The following KLF17 variants were observed in gnomAD, a reference collection of about 807,000 sequenced individuals.
KLF17 encodes Krueppel-like factor 17.
A neutral mutation model predicts 34.2 loss-of-function variants in KLF17; 31 were observed. That is an observed-to-expected ratio of 0.91 (90% CI 0.68 to 1.22). The LOEUF (loss-of-function observed/expected upper bound fraction) is 1.22. KLF17 is among the 50% of genes most tolerant of loss of function. The probability of loss-of-function intolerance (pLI) is 0.00; values close to 1 mark genes in which losing one functional copy is unlikely to be tolerated. For synonymous variants in KLF17, 179 were observed against 186.7 expected (o/e 0.96, Z 0.34); for missense variants, 478 against 505.2 (o/e 0.95, Z 0.52).
the KLF17 span, chr1:44,103,536 TG>T: frequency 7.4e-7 from 1 of 1,349,186 alleles, no homozygotes; most frequent in Non-Finnish European, 1.1e-6. Flanking sequence ...GGTCTTCGTA[TG>T]GATACTCCTG....
Position 44,129,583 on chromosome 1 carries a change from G to A in KLF17, c.312G>A (p.Ala104=), listed in dbSNP as rs746979387. The change falls in exon 2 of 4, where the codon GCG becomes GCA. Residue 104 remains alanine (A), a synonymous_variant. Coordinates refer to ENST00000372299, the MANE Select transcript of KLF17 (RefSeq NM_173484.4). ...GTGGTATGAGCTACTGCCCCCAAGC[G>A]ACTCTCACTCCTTCCCGGATGATTT... is the stretch of plus-strand genomic sequence containing the variant. ...PERGMSYCPQ[A]TLTPSRMIYC... The A allele has an allele frequency of 8.7e-6, 14 of 1,614,016 alleles. No homozygotes were observed. In the East Asian group the frequency reaches 1.6e-4, roughly 18 times the overall value.
chr1:44,090,647 G>A, the KLF17 span, among the ~76,000 whole-genome samples: 7 of 152,112 alleles, frequency 4.6e-5, no homozygotes, highest in Non-Finnish European at 1.0e-4. Flanking sequence ...GAATCCTGTA[G>A]ATCAGAGCAC....
chr1:44,104,759 T>C, the KLF17 span: 2 of 273,804 alleles, frequency 7.3e-6, no homozygotes, highest in South Asian at 5.2e-5. Context: ...AATAGCATAA[T>C]TGAGAAATAT....
chr1:44,083,793 C>A, the KLF17 span, among the ~76,000 whole-genome samples: 437 of 103,832 alleles, frequency 4.2e-3, no homozygotes, highest in Middle Eastern at 0.01. Flanking sequence ...GACTCTGTCT[C>A]AAAAAAAAAA....
the KLF17 span, among the ~76,000 whole-genome samples, chr1:44,100,106 A>ACG: frequency 2.0e-5 from 3 of 150,204 alleles, no homozygotes; most frequent in Non-Finnish European, 4.4e-5. Context: ...ACACACACAC[A>ACG]CACACACACA....
intron 1 of KLF17, among the ~76,000 whole-genome samples, chr1:44,127,706 TTCTTTCTTC>T (rs2088040245): frequency 7.5e-6 from 1 of 132,780 alleles, no homozygotes; most frequent in Non-Finnish European, 1.5e-5. Flanking sequence ...CTTTCTTTCT[TTCTTTCTTC>T]TCTTTTCTTT....
intron 1 of KLF17, among the ~76,000 whole-genome samples, chr1:44,123,754 T>C (rs763446476): frequency 6.6e-6 from 1 of 152,156 alleles, no homozygotes; most frequent in African/African-American, 2.4e-5. Flanking sequence ...TTGATAGTTA[T>C]GTTTTCATTT....
the KLF17 span, among the ~76,000 whole-genome samples, chr1:44,096,994 T>C: frequency 6.6e-6 from 1 of 152,230 alleles, no homozygotes; most frequent in East Asian, 1.9e-4. Context: ...CATCTTGAGT[T>C]AATTTTTGTA....
At chr1:44,067,516 A>G in the KLF17 span, among the ~76,000 whole-genome samples, 1 of 152,156 alleles carries the variant, frequency 6.6e-6, no homozygotes, top group Non-Finnish European at 1.5e-5. Flanking sequence ...TGGGAGAGAA[A>G]CAGGATAGGA....
chr1:44,073,210 T>TTC, the KLF17 span, among the ~76,000 whole-genome samples: 307 of 36,844 alleles, frequency 8.3e-3, 2 homozygotes, highest in Middle Eastern at 0.041. Context: ...CTTCTTCTTC[T>TTC]TTTTTTTTTT....
chr1:44,050,661 A>G, the KLF17 span, among the ~76,000 whole-genome samples: 1 of 152,160 alleles, frequency 6.6e-6, no homozygotes, highest in Non-Finnish European at 1.5e-5. Flanking sequence ...TCACACCTAT[A>G]ATCCCACCAC....
chr1:44,053,556 C>T, the KLF17 span, among the ~76,000 whole-genome samples: 124 of 152,314 alleles, frequency 8.1e-4, no homozygotes, highest in African/African-American at 2.7e-3. Context: ...ATATCCCCTA[C>T]TGCCGGAGGA....
chr1:44,104,679 C>CA, the KLF17 span: 50 of 434,872 alleles, frequency 1.1e-4, no homozygotes, highest in Non-Finnish European at 1.7e-4. Context: ...CTGATGCAGG[C>CA]ACTGGGCCCA....
the KLF17 span, among the ~76,000 whole-genome samples, chr1:44,105,906 G>C: frequency 6.6e-6 from 1 of 152,140 alleles, no homozygotes; most frequent in Non-Finnish European, 1.5e-5. Context: ...GCTCACGCCT[G>C]TAATCTCAGC....
chr1:44,095,584 A>T, the KLF17 span, among the ~76,000 whole-genome samples: 1 of 152,140 alleles, frequency 6.6e-6, no homozygotes, highest in African/African-American at 2.4e-5. Context: ...TAGGGATTGC[A>T]TTTAATCCGT....
At chr1:44,127,692 T>TCTTTCTTTCTTTTTC (rs1553171670) in intron 1 of KLF17, among the ~76,000 whole-genome samples, 1 of 90,136 alleles carries the variant, frequency 1.1e-5, no homozygotes, top group Non-Finnish European at 2.0e-5. Context: ...CTTTCTTTCT[T>TCTTTCTTTCTTTTTC]TTTCTTTCTT....
the KLF17 span, among the ~76,000 whole-genome samples, chr1:44,049,579 GT>G: frequency 3.9e-5 from 6 of 152,164 alleles, no homozygotes; most frequent in Admixed American, 1.3e-4. Context: ...GCTTCCCAGG[GT>G]CAAGCAATCC....
the KLF17 span, among the ~76,000 whole-genome samples, chr1:44,087,757 TATATATATATATACACACACAC>T: frequency 3.7e-5 from 2 of 53,630 alleles, no homozygotes; most frequent in Non-Finnish European, 7.7e-5. Flanking sequence ...TATATATATA[TATATATATATATACACACACAC>T]ACACACACAC....
At chr1:44,123,543 A>G (rs916430190) in intron 1 of KLF17, among the ~76,000 whole-genome samples, 3 of 151,946 alleles carry the variant, frequency 2.0e-5, no homozygotes, top group Non-Finnish European at 4.4e-5. Context: ...GTGTTTGGCA[A>G]TGTTGTTAAT....
Sources: allele counts gnomAD v4.1 joint callset (sites outside exome capture counted in the v4.1 genomes callset), GRCh38; gene constraint gnomAD v4.1.1; transcripts MANE v1.5; gene names NCBI Gene and HGNC (gene_info 2026-07-23, HGNC 2026-07-21).